THOC1: variants seen among roughly 807,000 people sequenced by gnomAD.
THOC1 encodes THO complex subunit 1.
In THOC1, 29 loss-of-function variants were observed where a neutral mutation model predicts 97.3. The ratio of observed to expected loss-of-function variants is 0.30; its 90% CI spans 0.22 to 0.41. The LOEUF is 0.41. Among genes scored for constraint, THOC1 ranks in the 10% least tolerant of loss-of-function variants. The pLI is 1.00. For synonymous variants in THOC1, 255 were observed against 257.0 expected (o/e 0.99, Z 0.07); for missense variants, 529 against 761.9 (o/e 0.69, Z 3.60).
intron 1 of THOC1, among the ~76,000 whole-genome samples, chr18:266,841 A>G (rs976279229): frequency 3.9e-5 from 6 of 152,254 alleles, no homozygotes; most frequent in African/African-American, 9.6e-5. Flanking sequence ...CCGGCCGCCA[A>G]TATGATCTTG....
chr18:259,255 T>C lies in THOC1; in HGVS notation c.445A>G (p.Lys149Glu), dbSNP rs1281964584. The change falls in exon 7 of 21, where the codon AAA (lysine) becomes GAA (glutamate). Residue 149 changes from lysine (K) to glutamate (E), a missense_variant. By Grantham distance (56) the Lys-to-Glu change is moderately conservative. Around this residue, in one of 8 missense-constraint regions of THOC1, gnomAD observed 49 missense variants for 91.7 expected, o/e 0.53. Coordinates refer to ENST00000261600, the MANE Select transcript of THOC1 (RefSeq NM_005131.3). The stretch of plus-strand genomic sequence containing the variant: ...CCACAGAAGACTGTATTCTGGGATT[T>C]AGACAATCTTCTTAGGAGATCTAAC... ...MCNDLLRRLS[K>E]SQNTVFCGRI... is the part of the protein sequence containing the mutation. 5.6e-6 allele frequency: 9 copies of C among 1,611,236 alleles called. No individual in the cohort carries two copies. The highest frequency in any genetic ancestry group is 6.8e-6 in the Non-Finnish European group (8 of 1,178,596).
intron 18 of THOC1, 148 bp from the exon 19 acceptor site, chr18:216,781 T>G (rs1910906554): frequency 8.9e-7 from 1 of 1,127,524 alleles, no homozygotes; most frequent in African/African-American, 1.6e-5. Flanking sequence ...AAAGAACTTT[T>G]CAGTATGTAG....
At position 224,832 on chromosome 18, in the gene THOC1, A is replaced by G. The variant is rs1444722127; in HGVS notation, c.1208+92T>C. The G allele has an allele frequency of 6.9e-5, 69 of 996,514 alleles. No individual in the cohort carries two copies. In the Admixed American group the frequency reaches 1.7e-3, roughly 24 times the overall value. 61.7% of individuals were successfully genotyped at this position (996,514 alleles called of 1,614,324 possible). On this transcript the variant is annotated intron_variant, in intron 15 of 20. Transcript: ENST00000261600. ...GTGAAATATATACATGTATTTTTACATGCTATAATCATATCGGAGCACATT... is the reference window on the plus strand; with the variant it reads ...GTGAAATATATACATGTATTTTTACGTGCTATAATCATATCGGAGCACATT...
At chr18:248,854 G>C (rs568796043) in intron 9 of THOC1, among the ~76,000 whole-genome samples, 1 of 151,962 alleles carries the variant, frequency 6.6e-6, no homozygotes, top group East Asian at 1.9e-4. Flanking sequence ...GGGTTCAAGC[G>C]ATTCTCCTGC....
Position 264,023 on chromosome 18 carries a change from T to TA in THOC1, c.256+2dup. 6.2e-7 allele frequency: 1 copy of TA among 1,608,304 alleles called. No individual in the cohort carries two copies. The highest frequency in any genetic ancestry group is 8.5e-7 in the Non-Finnish European group (1 of 1,175,716). ...AAACAAAACAAAACGGAACCATACTTACCTTCAGTTACTCCCCCAATAGCA... is the reference window on the plus strand; with the variant it reads ...AAACAAAACAAAACGGAACCATACTTAACCTTCAGTTACTCCCCCAATAGCA... On this transcript the variant is annotated splice_region_variant and intron_variant, in intron 4 of 20. Transcript: ENST00000261600.
chr18:219,452 C>A (rs376617358), intron 17 of THOC1, among the ~76,000 whole-genome samples: 2,577 of 131,240 alleles, frequency 0.02, 63 homozygotes, highest in African/African-American at 0.071. Flanking sequence ...GTTCCCTGAG[C>A]GGTACAAAAT....
At chr18:249,042 A>C (rs58452499) in intron 9 of THOC1, among the ~76,000 whole-genome samples, 2 of 152,202 alleles carry the variant, frequency 1.3e-5, no homozygotes, top group Non-Finnish European at 2.9e-5. Flanking sequence ...GTACCACTGC[A>C]CCCGGCCTAT....
chr18:236,448 C>T (rs1336520740), intron 11 of THOC1, among the ~76,000 whole-genome samples: 21 of 148,672 alleles, frequency 1.4e-4, no homozygotes, highest in African/African-American at 4.2e-4. Flanking sequence ...CTCCGCCTCC[C>T]GGGTTCACGC....
At chr18:261,927 A>G (rs1912618279) in intron 4 of THOC1, among the ~76,000 whole-genome samples, 2 of 152,142 alleles carry the variant, frequency 1.3e-5, no homozygotes, top group Non-Finnish European at 2.9e-5. Flanking sequence ...GATTCCCCCA[A>G]GAGCTTTCAC....
In THOC1 at chr18:254,126, G is replaced by A; in HGVS notation, c.603+147C>T. On this transcript the variant is annotated intron_variant, in intron 8 of 20. Coordinates refer to ENST00000261600, the MANE Select transcript of THOC1 (RefSeq NM_005131.3). The surrounding 1 kb of genome is among the most constrained non-coding windows in gnomAD (Gnocchi z 4.1). ...GAGGATTTGCCATGTTGTCCAGGCT[G>A]GTCTTGAACTCCTAGGCTCAAGCGA... 2 of 596,494 alleles carry A rather than the reference G, an allele frequency of 3.4e-6. No homozygotes were observed. Among genetic ancestry groups the A allele is most frequent in the Middle Eastern group, 2.7e-4 (1 of 3,720 alleles). The allele number at this position is 596,494 out of a possible 1,614,324, so 37.0% of individuals were successfully genotyped here.
chr18:227,313 T>G (rs1911325269), intron 11 of THOC1, among the ~76,000 whole-genome samples: 1 of 151,132 alleles, frequency 6.6e-6, no homozygotes, highest in Admixed American at 6.6e-5. Flanking sequence ...GACTCTAAAT[T>G]TAAAAAAAAA....
At position 225,415 on chromosome 18, in the gene THOC1, A is replaced by G; in HGVS notation, c.1020-12T>C. 6.2e-7 allele frequency: 1 copy of G among 1,610,284 alleles called. No individual in the cohort carries two copies. Among genetic ancestry groups the G allele is most frequent in the Non-Finnish European group, 8.5e-7 (1 of 1,178,394 alleles). On this transcript the variant is annotated splice_polypyrimidine_tract_variant and intron_variant, in intron 12 of 20. Transcript: ENST00000261600. ...AAACATAGTTTGAACTAGGGAACAA[A>G]GCAATGAAAGCATGCTTGAGTTACA...
intron 4 of THOC1, among the ~76,000 whole-genome samples, chr18:261,757 TAA>T (rs1487119066): frequency 1.3e-5 from 2 of 152,242 alleles, no homozygotes; most frequent in Non-Finnish European, 2.9e-5. Flanking sequence ...TAGCCTGGAA[TAA>T]GTTAACTCAC....
rs1456070603 is a variant in THOC1, at chr18:225,113, T to A, written c.1113A>T (p.Gly371=). The A allele has an allele frequency of 6.3e-7, 1 of 1,577,654 alleles. No individual in the cohort carries two copies. Among genetic ancestry groups the A allele is most frequent in the Admixed American group, 1.8e-5 (1 of 54,936 alleles). ...YQLLSENPPD[G]ERFSKMVEHI... ...CCTCTACCATCTTTGAAAATCTTTC[T>A]CCATCGGGGGGGTTTTCAGATAGTA... is the stretch of plus-strand genomic sequence containing the variant. The change falls in exon 14 of 21, where the codon GGA becomes GGT. Residue 371 remains glycine (G), a synonymous_variant. Transcript: ENST00000261600.
chr18:250,195 G>T (rs1424480081), intron 9 of THOC1, among the ~76,000 whole-genome samples: 1 of 152,070 alleles, frequency 6.6e-6, no homozygotes, highest in Admixed American at 6.6e-5. Flanking sequence ...TACAGTTGAG[G>T]CATTAATATA....
chr18:231,123 T>A (rs1911472065), intron 11 of THOC1, among the ~76,000 whole-genome samples: 2 of 152,154 alleles, frequency 1.3e-5, no homozygotes, highest in African/African-American at 4.8e-5. Context: ...TATGTATGTA[T>A]GTATTTAGTA....
At chr18:236,401 G>A (rs1911691271) in intron 11 of THOC1, among the ~76,000 whole-genome samples, 1 of 145,826 alleles carries the variant, frequency 6.9e-6, no homozygotes, top group African/African-American at 2.5e-5. Flanking sequence ...TGTCGCCCAG[G>A]CGGGAGTGCA....
chr18:248,010 T>C, intron 9 of THOC1, 53 bp from the exon 10 acceptor site: 1 of 1,167,044 alleles, frequency 8.6e-7, no homozygotes, highest in Non-Finnish European at 1.2e-6. Context: ...TTTACAAATA[T>C]CTAAATATTC....
intron 11 of THOC1, among the ~76,000 whole-genome samples, chr18:235,694 A>T (rs1222565091): frequency 6.6e-6 from 1 of 152,166 alleles, no homozygotes; most frequent in African/African-American, 2.4e-5. Context: ...TTGATTACAG[A>T]GAAATGTGGC....
Sources: allele counts gnomAD v4.1 joint callset (sites outside exome capture counted in the v4.1 genomes callset), GRCh38; gene constraint gnomAD v4.1.1; regional missense constraint gnomAD v4.1.1; non-coding constraint Gnocchi (gnomAD v3.1); transcripts MANE v1.5; gene names NCBI Gene and HGNC (gene_info 2026-07-23, HGNC 2026-07-21).